Variants in TVP23B observed in about 807,000 individuals in gnomAD.
The protein encoded by TVP23B is trans-golgi network vesicle protein 23 homolog B.
TVP23B carries 10 observed loss-of-function variants against 30.6 expected under a neutral mutation model. That is an observed-to-expected ratio of 0.33 (90% CI 0.20 to 0.55). The LOEUF (loss-of-function observed/expected upper bound fraction) is 0.55, where lower values mean the gene tolerates loss of function less well. Ranked by LOEUF, TVP23B falls within the 20% of genes least tolerant of loss-of-function variation. The pLI, the probability that TVP23B is intolerant of heterozygous loss-of-function variation, is 0.91. For synonymous variants in TVP23B, 67 were observed against 83.1 expected (o/e 0.81, Z 1.06); for missense variants, 153 against 243.2 (o/e 0.63, Z 2.47).
chr17:18,802,115 G>A (rs1419378682), intron 5 of TVP23B, among the ~76,000 whole-genome samples: 5 of 152,072 alleles, frequency 3.3e-5, no homozygotes, highest in Admixed American at 6.5e-5. Context: ...CCAGTTACTC[G>A]GGAGGCTGAG....
rs528437306 is a variant in TVP23B at position 18,797,739 on chromosome 17, A to G, written c.330+71A>G. On this transcript the variant is annotated intron_variant, in intron 4 of 6. Transcript: ENST00000307767. ...TTGTAGACTATATTTAAATACTGGAAGATGAAGTATTCAGAATTAAAAACA... is the reference window on the plus strand; with the variant it reads ...TTGTAGACTATATTTAAATACTGGAGGATGAAGTATTCAGAATTAAAAACA... 7.9e-6 allele frequency: 10 copies of G among 1,268,648 alleles called. No homozygotes were observed. In the Admixed American group the frequency reaches 2.1e-4, roughly 27 times the overall value. The allele number at this position is 1,268,648 out of a possible 1,614,324, so 78.6% of individuals were successfully genotyped here.
chr17:18,803,691 G>C (rs1271438557), intron 5 of TVP23B, among the ~76,000 whole-genome samples: 1 of 152,260 alleles, frequency 6.6e-6, no homozygotes, highest in Non-Finnish European at 1.5e-5. Flanking sequence ...ACGTAGAGCA[G>C]AGATTCACCC....
chr17:18,801,522 C>T (rs1296467254), intron 5 of TVP23B, among the ~76,000 whole-genome samples: 25 of 152,292 alleles, frequency 1.6e-4, no homozygotes, highest in African/African-American at 5.8e-4. Flanking sequence ...CCTGAAGACA[C>T]AGGTGTGATG....
At chr17:18,794,141 T>C (rs926291421) in intron 3 of TVP23B, among the ~76,000 whole-genome samples, 5 of 152,196 alleles carry the variant, frequency 3.3e-5, no homozygotes, top group African/African-American at 4.8e-5. Flanking sequence ...CTACTATCTT[T>C]AACAAACCAA....
intron 1 of TVP23B, chr17:18,789,128 A>C (rs1220253955): frequency 8.2e-6 from 5 of 610,074 alleles, no homozygotes; most frequent in Non-Finnish European, 1.4e-5. Context: ...GCCTAGGGGC[A>C]GGGATGGAGG....
At chr17:18,782,569 T>G (rs2035824241) in intron 1 of TVP23B, 1 of 152,046 alleles carries the variant, frequency 6.6e-6, no homozygotes. Flanking sequence ...CAGTGCAAAG[T>G]GAAAGCAAGT....
At chr17:18,793,690 G>C (rs1411803641) in intron 3 of TVP23B, among the ~76,000 whole-genome samples, 1 of 151,298 alleles carries the variant, frequency 6.6e-6, no homozygotes. Context: ...AAGTAAAACA[G>C]TTCATAGAGC....
intron 1 of TVP23B, among the ~76,000 whole-genome samples, chr17:18,782,837 T>C (rs993862232): frequency 3.3e-5 from 5 of 151,860 alleles, no homozygotes; most frequent in African/African-American, 1.2e-4. Context: ...TTTGGCTGGC[T>C]CCTTTATTGC....
intron 1 of TVP23B, among the ~76,000 whole-genome samples, chr17:18,786,792 G>A (rs1321576631): frequency 1.3e-5 from 2 of 151,318 alleles, no homozygotes; most frequent in African/African-American, 4.9e-5. Context: ...TACTGCATGA[G>A]CTACTTGACC....
intron 3 of TVP23B, among the ~76,000 whole-genome samples, chr17:18,794,720 T>A (rs1001138923): frequency 6.6e-6 from 1 of 151,172 alleles, no homozygotes; most frequent in Non-Finnish European, 1.5e-5. Flanking sequence ...TCTGAGAGCA[T>A]TCTTTGAAAA....
chr17:18,803,584 C>T (rs2036200904), intron 5 of TVP23B, among the ~76,000 whole-genome samples: 1 of 152,200 alleles, frequency 6.6e-6, no homozygotes, highest in Admixed American at 6.5e-5. Flanking sequence ...TGCAAAAGTA[C>T]AGTTCCCCTT....
intron 1 of TVP23B, 193 bp from the exon 2 acceptor site, chr17:18,789,160 C>G (rs1400226925): frequency 2.5e-5 from 21 of 839,152 alleles, no homozygotes; most frequent in Non-Finnish European, 3.6e-5. Flanking sequence ...CGATTATTCT[C>G]TGGGTTTTTT....
Position 18,801,676 on chromosome 17 carries a change from A to G in TVP23B, c.463-2462A>G, listed in dbSNP as rs182628526. Among the ~76,000 whole-genome samples, 456 of 151,198 alleles carry G rather than the reference A, an allele frequency of 3.0e-3. 2 individuals carry two copies. Among genetic ancestry groups the G allele is most frequent in the African/African-American group, 0.01 (423 of 40,966 alleles). ...CCTTCTGCTTTGGATTGTTTGTAAG[A>G]CCTTAGAGCTTTAGCATCCATCCAA... On this transcript the variant is annotated intron_variant, in intron 5 of 6. Coordinates refer to ENST00000307767, the MANE Select transcript of TVP23B (RefSeq NM_016078.6).
intron 6 of TVP23B, 89 bp from the exon 7 acceptor site, chr17:18,805,452 A>G: frequency 1.3e-6 from 2 of 1,572,870 alleles, no homozygotes; most frequent in Non-Finnish European, 1.7e-6. Flanking sequence ...GAAATATAGA[A>G]TGTTTTCCTA....
At chr17:18,782,902 C>A (rs1231734459) in intron 1 of TVP23B, among the ~76,000 whole-genome samples, 3 of 150,876 alleles carry the variant, frequency 2.0e-5, no homozygotes, top group Non-Finnish European at 3.0e-5. Flanking sequence ...GACCTCACAT[C>A]TCATCCTGTG....
intron 1 of TVP23B, chr17:18,789,039 T>G (rs958235601): frequency 3.9e-5 from 11 of 278,640 alleles, no homozygotes; most frequent in Non-Finnish European, 6.9e-5. Flanking sequence ...CTCTGTGACT[T>G]GGGAGAGAAC....
intron 3 of TVP23B, among the ~76,000 whole-genome samples, chr17:18,791,311 TAAAC>T (rs1373192330): frequency 6.6e-5 from 8 of 121,390 alleles, no homozygotes; most frequent in Non-Finnish European, 1.3e-4. Context: ...TAAAGTCAAA[TAAAC>T]AAACAAAAGT....
chr17:18,781,365 C>G (rs897803789), intron 1 of TVP23B, 60 bp downstream of exon 1: 1 of 1,552,336 alleles, frequency 6.4e-7, no homozygotes, highest in Non-Finnish European at 8.7e-7. Context: ...CTGCAGGTTC[C>G]GTGGGACTGG....
chr17:18,784,425 T>G (rs2035868921), intron 1 of TVP23B, among the ~76,000 whole-genome samples: 1 of 152,004 alleles, frequency 6.6e-6, no homozygotes, highest in African/African-American at 2.4e-5. Context: ...GATGGGTGGA[T>G]CATGAGGTCA....
Sources: allele counts gnomAD v4.1 joint callset (sites outside exome capture counted in the v4.1 genomes callset), GRCh38; gene constraint gnomAD v4.1.1; transcripts MANE v1.5; gene names NCBI Gene and HGNC (gene_info 2026-07-23, HGNC 2026-07-21).